Variants in PLA2G12B observed in about 807,000 individuals in gnomAD.
The protein encoded by PLA2G12B is phospholipase A2 group XIIB.
Under a neutral mutation model 22.3 loss-of-function variants are expected in PLA2G12B, and 19 were observed. The ratio of observed to expected loss-of-function variants is 0.85; its 90% CI spans 0.60 to 1.25. The LOEUF (loss-of-function observed/expected upper bound fraction) is 1.25. Among genes scored for constraint, PLA2G12B ranks in the 50% most tolerant of loss-of-function variants. The pLI is 0.00. For synonymous variants in PLA2G12B, 81 were observed against 94.9 expected, an observed-to-expected ratio of 0.85 and a Z score of 0.85; for missense variants, 191 against 246.6, an observed-to-expected ratio of 0.77 and a Z score of 1.51.
chr10:72,941,520 A>C lies in PLA2G12B; in HGVS notation c.301-186T>G, dbSNP rs1311483815. Among the ~76,000 whole-genome samples, 3 of 152,182 alleles carry C rather than the reference A, an allele frequency of 2.0e-5. No individual in the cohort carries two copies. The East Asian group carries it at 5.8e-4, about 29-fold the overall frequency. On this transcript the variant is annotated intron_variant, in intron 2 of 3. Transcript: ENST00000373032. ...AACAGTCACAGGATTACAAGTGTTC[A>C]TTGTTACTTAGTTATTAGTTCAGTA... is the stretch of plus-strand genomic sequence containing the variant.
chr10:72,946,436 G>C (rs77284811), intron 1 of PLA2G12B, among the ~76,000 whole-genome samples: 4,578 of 152,204 alleles, frequency 0.03, 97 homozygotes, highest in Non-Finnish European at 0.042. Flanking sequence ...ACGGGTTTTT[G>C]TGTGAACATG....
Position 72,953,102 on chromosome 10 carries a change from T to C in PLA2G12B, c.211+1373A>G, listed in dbSNP as rs7077532. On this transcript the variant is annotated intron_variant, in intron 1 of 3. Coordinates refer to ENST00000373032, the MANE Select transcript of PLA2G12B (RefSeq NM_032562.5). ...ATAATCCAGTGGCAAGGCCTCTGCG[T>C]TGGTCCAACTGCCTTGGACAAATAC... Among the ~76,000 whole-genome samples, 1,208 of 152,332 alleles carry C rather than the reference T, an allele frequency of 7.9e-3. 13 individuals are homozygous for C. The highest frequency in any genetic ancestry group is 0.028 in the African/African-American group (1,148 of 41,574).
At chr10:72,943,282 C>T (rs1328046596) in intron 1 of PLA2G12B, among the ~76,000 whole-genome samples, 2 of 152,098 alleles carry the variant, frequency 1.3e-5, no homozygotes, top group Non-Finnish European at 2.9e-5. Flanking sequence ...TATTTACTGA[C>T]ATTTCTAATG....
At chr10:72,942,589 T>C in intron 2 of PLA2G12B, 63 bp downstream of exon 2, 1 of 1,291,678 alleles carries the variant, frequency 7.7e-7, no homozygotes, top group East Asian at 2.6e-5. Flanking sequence ...CCATCAAGGA[T>C]AACTCTAGGA....
chr10:72,940,066 C>T (rs1366245927), intron 3 of PLA2G12B, among the ~76,000 whole-genome samples: 3 of 152,178 alleles, frequency 2.0e-5, no homozygotes, highest in Non-Finnish European at 4.4e-5. Context: ...GCAGCAGGTA[C>T]TTTTTCAGCC....
At chr10:72,946,944 G>A (rs1034968023) in intron 1 of PLA2G12B, among the ~76,000 whole-genome samples, 1 of 151,064 alleles carries the variant, frequency 6.6e-6, no homozygotes, top group Non-Finnish European at 1.5e-5. Flanking sequence ...TAAGAGATGG[G>A]GTCTCACTCT....
At chr10:72,948,104 G>A (rs1846471856) in intron 1 of PLA2G12B, among the ~76,000 whole-genome samples, 1 of 152,160 alleles carries the variant, frequency 6.6e-6, no homozygotes, top group African/African-American at 2.4e-5. Flanking sequence ...TCAAACGCCT[G>A]ACCTCAAGTG....
At chr10:72,954,334 G>T in intron 1 of PLA2G12B, 141 bp downstream of exon 1, 5 of 925,646 alleles carry the variant, frequency 5.4e-6, no homozygotes, top group Non-Finnish European at 8.4e-6. Context: ...CATTTCACTG[G>T]GTGTCCTACA....
intron 1 of PLA2G12B, among the ~76,000 whole-genome samples, chr10:72,943,943 A>G (rs1589542118): frequency 6.6e-6 from 1 of 152,210 alleles, no homozygotes; most frequent in East Asian, 1.9e-4. Flanking sequence ...AGAGTAAGGC[A>G]TATGACAGTT....
intron 1 of PLA2G12B, among the ~76,000 whole-genome samples, chr10:72,949,590 A>G (rs1846494410): frequency 1.3e-5 from 2 of 152,260 alleles, no homozygotes; most frequent in Non-Finnish European, 2.9e-5. Context: ...AGAACAGATA[A>G]TGATAACGAA....
chr10:72,954,344 A>G lies in PLA2G12B; in HGVS notation c.211+131T>C, dbSNP rs941461222. 6.0e-5 allele frequency: 67 copies of G among 1,109,742 alleles called. 1 individual carries two copies. The South Asian group carries it at 8.7e-4, about 14-fold the overall frequency. The allele number at this position is 1,109,742 out of a possible 1,614,324, so 68.7% of individuals were successfully genotyped here. A position where few individuals can be genotyped will look rare whatever the true frequency, so the allele number is the denominator to read the frequency against. On this transcript the variant is annotated intron_variant, in intron 1 of 3. Transcript: ENST00000373032. ...TTTCACATTTCACTGGGTGTCCTAC[A>G]TTTTTATCTGCTAAATCTGGCAGCT...
chr10:72,945,548 T>TGA lies in PLA2G12B; in HGVS notation c.212-2810_212-2809dup, dbSNP rs150721059. The stretch of plus-strand genomic sequence containing the variant: ...CCCAGCAAAGCCACTCCAGGATCCC[T>TGA]GACCCTCAGCAAGTGTGTGATATAA... On this transcript the variant is annotated intron_variant, in intron 1 of 3. Coordinates refer to ENST00000373032, the MANE Select transcript of PLA2G12B (RefSeq NM_032562.5). Among the ~76,000 whole-genome samples the TGA allele has an allele frequency of 6.6e-3, 999 of 152,302 alleles. 15 individuals carry two copies. Among genetic ancestry groups the TGA allele is most frequent in the African/African-American group, 0.023 (941 of 41,574 alleles).
At chr10:72,937,649 G>A (rs942654338) in intron 3 of PLA2G12B, among the ~76,000 whole-genome samples, 7 of 152,158 alleles carry the variant, frequency 4.6e-5, no homozygotes, top group African/African-American at 1.2e-4. Context: ...CAACAAAATA[G>A]TAGTAAACTG....
intron 1 of PLA2G12B, among the ~76,000 whole-genome samples, chr10:72,949,794 TG>T (rs1434156986): frequency 4.6e-5 from 7 of 152,042 alleles, no homozygotes; most frequent in African/African-American, 1.7e-4. Flanking sequence ...CTGGCCAACA[TG>T]GTGAAACCCC....
intron 3 of PLA2G12B, among the ~76,000 whole-genome samples, chr10:72,936,594 G>T (rs1473414406): frequency 1.3e-5 from 2 of 152,260 alleles, no homozygotes; most frequent in Non-Finnish European, 2.9e-5. Context: ...TAGGGCTGGG[G>T]TGGGGTAGGG....
At chr10:72,953,705 C>T (rs1437814798) in intron 1 of PLA2G12B, among the ~76,000 whole-genome samples, 1 of 152,108 alleles carries the variant, frequency 6.6e-6, no homozygotes, top group Non-Finnish European at 1.5e-5. Flanking sequence ...TCTGTGCCGG[C>T]AGCCAGGTGT....
chr10:72,941,517 T>A (rs1846361087), intron 2 of PLA2G12B, among the ~76,000 whole-genome samples, 183 bp from the exon 3 acceptor site: 1 of 152,212 alleles, frequency 6.6e-6, no homozygotes, highest in South Asian at 2.1e-4. Flanking sequence ...ATTACAAGTG[T>A]TCATTGTTAC....
intron 1 of PLA2G12B, 84 bp downstream of exon 1, chr10:72,954,391 G>C: frequency 6.4e-7 from 1 of 1,553,924 alleles, no homozygotes; most frequent in Non-Finnish European, 8.9e-7. Context: ...ACAGGAAAAA[G>C]TGCAAGACAG....
At chr10:72,946,905 T>C (rs1378690957) in intron 1 of PLA2G12B, among the ~76,000 whole-genome samples, 1 of 152,074 alleles carries the variant, frequency 6.6e-6, no homozygotes, top group South Asian at 2.1e-4. Context: ...GTGTAACTAT[T>C]TATTTGTTTT....
Sources: gnomAD v4.1 joint callset for allele counts (sites outside exome capture counted in the v4.1 genomes callset) on GRCh38, gnomAD v4.1.1 for gene constraint, MANE v1.5 for transcripts, NCBI Gene and HGNC (gene_info 2026-07-23, HGNC 2026-07-21) for gene names.